The following GLI2 variants were observed in gnomAD, a reference collection of about 807,000 sequenced individuals.
GLI2 encodes transcription activator GLI2.
In GLI2, 22 loss-of-function variants were observed where a neutral mutation model predicts 78.9. The observed-to-expected ratio is 0.28, with a 90% confidence interval of 0.20 to 0.40. The LOEUF (loss-of-function observed/expected upper bound fraction) is 0.40, where lower values mean the gene tolerates loss of function less well. Among genes scored for constraint, GLI2 ranks in the 10% least tolerant of loss-of-function variants. The probability of loss-of-function intolerance (pLI) is 1.00; values close to 1 mark genes in which losing one functional copy is unlikely to be tolerated. For synonymous variants in GLI2, 974 were observed against 963.7 expected, an observed-to-expected ratio of 1.01 and a Z score of -0.20; for missense variants, 2,097 against 2,213.2, an observed-to-expected ratio of 0.95 and a Z score of 1.05.
chr2:120,944,566 G>A (rs1237077741), intron 3 of GLI2, among the ~76,000 whole-genome samples: 9 of 152,220 alleles, frequency 5.9e-5, no homozygotes, highest in Admixed American at 5.2e-4. Context: ...CTGAAATTAG[G>A]CCTGCCAGGG....
At chr2:120,889,837 A>T (rs1233777289) in intron 2 of GLI2, among the ~76,000 whole-genome samples, 1 of 152,214 alleles carries the variant, frequency 6.6e-6, no homozygotes, top group Non-Finnish European at 1.5e-5. Context: ...AATGCAGAGA[A>T]ACAGGAGCAC....
chr2:120,937,749 G>A (rs575910770), intron 3 of GLI2, among the ~76,000 whole-genome samples: 10 of 152,336 alleles, frequency 6.6e-5, no homozygotes, highest in East Asian at 3.9e-4. Context: ...CACCCACCTC[G>A]AAGAAGAGAT....
chr2:120,802,806 C>A (rs897163400), intron 2 of GLI2, among the ~76,000 whole-genome samples: 2 of 152,224 alleles, frequency 1.3e-5, no homozygotes, highest in African/African-American at 4.8e-5. Context: ...ACGCCCACCT[C>A]TTCCACGAAG....
At chr2:120,948,534 C>A (rs1213744928) in intron 3 of GLI2, among the ~76,000 whole-genome samples, 1 of 152,206 alleles carries the variant, frequency 6.6e-6, no homozygotes, top group Non-Finnish European at 1.5e-5. Flanking sequence ...CATCTCCAGG[C>A]CCAGCTGCCT....
At chr2:120,814,023 A>C (rs1358270205) in intron 2 of GLI2, among the ~76,000 whole-genome samples, 1 of 151,950 alleles carries the variant, frequency 6.6e-6, no homozygotes, top group African/African-American at 2.4e-5. Context: ...CCCGAGAACA[A>C]CTGGAGCTTC....
chr2:120,792,003 C>T (rs1025903149), intron 1 of GLI2, among the ~76,000 whole-genome samples: 2 of 152,190 alleles, frequency 1.3e-5, no homozygotes, highest in African/African-American at 4.8e-5. Context: ...GAGATCACAG[C>T]AGAGGTGAGA....
chr2:120,818,882 C>T (rs1349683028), intron 2 of GLI2, among the ~76,000 whole-genome samples: 1 of 152,238 alleles, frequency 6.6e-6, no homozygotes, highest in Non-Finnish European at 1.5e-5. Flanking sequence ...GAGCCTCCCC[C>T]ACCTTATGCT....
At chr2:120,876,199 G>A (rs759479108) in intron 2 of GLI2, among the ~76,000 whole-genome samples, 6 of 152,090 alleles carry the variant, frequency 3.9e-5, no homozygotes, top group Non-Finnish European at 7.4e-5. Context: ...AAACTTAGCC[G>A]GGCGTGGTGG....
At position 120,951,228 on chromosome 2, in the gene GLI2, C is replaced by G. The variant is rs1469025613; in HGVS notation, c.255-15C>G. 1 of 1,507,086 alleles carries G rather than the reference C, an allele frequency of 6.6e-7. No homozygotes were observed. Among genetic ancestry groups the G allele is most frequent in the African/African-American group, 1.4e-5 (1 of 72,838 alleles). 93.4% of individuals were successfully genotyped at this position (1,507,086 alleles called of 1,614,324 possible). A position where few individuals can be genotyped will look rare whatever the true frequency, so the allele number is the denominator to read the frequency against. Reference sequence around the variant, plus strand: ...TGTGTCCTCCTTCTTAGACGGCTGCCCATTGTCTCTGCAGGCCCCCTGCCC... The same window carrying G: ...TGTGTCCTCCTTCTTAGACGGCTGCGCATTGTCTCTGCAGGCCCCCTGCCC... On this transcript the variant is annotated splice_polypyrimidine_tract_variant and intron_variant, in intron 3 of 13. Coordinates refer to ENST00000361492, the MANE Select transcript of GLI2 (RefSeq NM_001374353.1).
chr2:120,741,886 G>A (rs1682557805), intron 1 of GLI2, among the ~76,000 whole-genome samples: 1 of 152,134 alleles, frequency 6.6e-6, no homozygotes, highest in African/African-American at 2.4e-5. Context: ...TGCTCGTGGC[G>A]AGTCGGGAAG....
chr2:120,793,696 G>T (rs181088562), intron 1 of GLI2, among the ~76,000 whole-genome samples: 1 of 152,210 alleles, frequency 6.6e-6, no homozygotes, highest in Non-Finnish European at 1.5e-5. Context: ...CCCCACAGGC[G>T]TTCACGAAAC....
At chr2:120,909,166 C>T (rs1443133682) in intron 2 of GLI2, among the ~76,000 whole-genome samples, 1 of 152,156 alleles carries the variant, frequency 6.6e-6, no homozygotes, top group African/African-American at 2.4e-5. Flanking sequence ...CGCCTTTTGG[C>T]TGACGTGGGG....
At position 120,737,129 on chromosome 2, in the gene GLI2, G is replaced by A. The variant is rs1156755482; in HGVS notation, c.-31+844G>A. Among the ~76,000 whole-genome samples, 1 of 152,176 alleles carries A rather than the reference G, an allele frequency of 6.6e-6. No homozygotes were observed. The highest frequency in any genetic ancestry group is 1.5e-5 in the Non-Finnish European group (1 of 68,022). ...TGTGATGGATGGGGAGAGGCGCGGA[G>A]AGAGTTGGGCGCCAATCCTATTAAG... is the stretch of plus-strand genomic sequence containing the variant. On this transcript the variant is annotated intron_variant, in intron 1 of 13. Transcript: ENST00000361492. This position sits in a 1 kb window ranked among gnomAD's most constrained non-coding sequence, Gnocchi z 4.3.
intron 2 of GLI2, among the ~76,000 whole-genome samples, chr2:120,852,550 G>A (rs912480552): frequency 1.3e-5 from 2 of 152,186 alleles, no homozygotes; most frequent in African/African-American, 4.8e-5. Context: ...CAGGACCAGT[G>A]CCAGCATTCC....
At chr2:120,925,988 G>C (rs1679646012) in intron 2 of GLI2, among the ~76,000 whole-genome samples, 1 of 143,950 alleles carries the variant, frequency 6.9e-6, no homozygotes, top group Admixed American at 7.2e-5. Flanking sequence ...CAGGAGAATG[G>C]TGTGAACCCA....
At chr2:120,871,059 G>A (rs1233265215) in intron 2 of GLI2, among the ~76,000 whole-genome samples, 1 of 152,232 alleles carries the variant, frequency 6.6e-6, no homozygotes, top group Non-Finnish European at 1.5e-5. Context: ...ACTCATGGCT[G>A]CACTAGTGCA....
At chr2:120,922,326 T>A (rs1415523383) in intron 2 of GLI2, among the ~76,000 whole-genome samples, 1 of 152,194 alleles carries the variant, frequency 6.6e-6, no homozygotes, top group Non-Finnish European at 1.5e-5. Context: ...GTCTTACTCC[T>A]TGCAACTTGG....
At chr2:120,936,868 C>G (rs534492763) in intron 3 of GLI2, among the ~76,000 whole-genome samples, 1 of 152,138 alleles carries the variant, frequency 6.6e-6, no homozygotes, top group African/African-American at 2.4e-5. Flanking sequence ...CCTGCCAGCC[C>G]GAGTCAAGGT....
intron 2 of GLI2, among the ~76,000 whole-genome samples, chr2:120,908,562 A>T (rs1678657524): frequency 6.6e-6 from 1 of 152,214 alleles, no homozygotes; most frequent in South Asian, 2.1e-4. Flanking sequence ...AGGGCCCTGC[A>T]GCCATCTGTG....
Sources: gnomAD v4.1 joint callset for allele counts (sites outside exome capture counted in the v4.1 genomes callset) on GRCh38, gnomAD v4.1.1 for gene constraint, Gnocchi (gnomAD v3.1) non-coding constraint, MANE v1.5 for transcripts, NCBI Gene and HGNC (gene_info 2026-07-23, HGNC 2026-07-21) for gene names.